The following GLRA2 variants were observed in gnomAD, a reference collection of about 807,000 sequenced individuals.
The protein encoded by GLRA2 is glycine receptor subunit alpha-2.
A neutral mutation model predicts 31.6 loss-of-function variants in GLRA2; 11 were observed. The observed-to-expected ratio is 0.35, with a 90% CI of 0.22 to 0.58. The LOEUF (loss-of-function observed/expected upper bound fraction) is 0.58, where lower values mean the gene tolerates loss of function less well. Ranked by LOEUF, GLRA2 falls within the 20% of genes least tolerant of loss-of-function variation. The pLI, the probability that GLRA2 is intolerant of heterozygous loss-of-function variation, is 0.84. For missense variants in GLRA2, 212 were observed against 351.8 expected (o/e 0.60, Z 3.18); for synonymous variants, 132 against 134.0 (o/e 0.99, Z 0.10).
the GLRA2 span, among the ~76,000 whole-genome samples, chrX:14,502,434 G>T: frequency 8.9e-6 from 1 of 111,795 alleles, no homozygotes; most frequent in Non-Finnish European, 1.9e-5. Flanking sequence ...ATATGCAAAT[G>T]TGAGATTTTT....
intron 7 of GLRA2, among the ~76,000 whole-genome samples, chrX:14,679,575 C>T (rs368251631): frequency 1.5e-4 from 17 of 111,097 alleles, no homozygotes; most frequent in African/African-American, 5.2e-4. Context: ...TAACTGTCCA[C>T]CCCTCACCGT....
At chrX:14,468,093 G>T in the GLRA2 span, among the ~76,000 whole-genome samples, 1 of 111,775 alleles carries the variant, frequency 8.9e-6, no homozygotes, top group Admixed American at 9.5e-5. Context: ...TTGAGGTGAG[G>T]AAAGGACTAC....
At chrX:14,469,400 G>A in the GLRA2 span, among the ~76,000 whole-genome samples, 51 of 110,214 alleles carry the variant, frequency 4.6e-4, no homozygotes, top group African/African-American at 1.7e-3. Flanking sequence ...GCACACGTAT[G>A]TTTATTGTGG....
chrX:14,553,203 T>TG (rs748417620), intron 2 of GLRA2, among the ~76,000 whole-genome samples: 41 of 112,099 alleles, frequency 3.7e-4, no homozygotes, highest in African/African-American at 1.3e-3. Context: ...TGTCTAACAA[T>TG]ACAAAATGTG....
intron 4 of GLRA2, among the ~76,000 whole-genome samples, chrX:14,593,541 G>A: frequency 8.9e-6 from 1 of 112,394 alleles, no homozygotes; most frequent in African/African-American, 3.2e-5. Context: ...AAGTATGCTA[G>A]GGGATTAAAG....
chrX:14,624,872 G>A (rs768296163), intron 7 of GLRA2, among the ~76,000 whole-genome samples: 11 of 111,601 alleles, frequency 9.9e-5, no homozygotes, highest in Admixed American at 9.5e-4. Context: ...AGGTCTGCTT[G>A]GTGCAGAGCT....
chrX:14,459,049 A>C, the GLRA2 span, among the ~76,000 whole-genome samples: 1 of 111,920 alleles, frequency 8.9e-6, no homozygotes, highest in Admixed American at 9.5e-5. Context: ...TAATTTTTAT[A>C]TAAGGTGTAA....
intron 2 of GLRA2, 106 bp downstream of exon 2, chrX:14,532,478 C>A: frequency 2.1e-6 from 1 of 465,607 alleles, no homozygotes; most frequent in Non-Finnish European, 3.4e-6. Context: ...ATGAAAATGA[C>A]AAGTATAGTG....
chrX:14,533,795 A>G (rs1403661191), intron 2 of GLRA2, among the ~76,000 whole-genome samples: 1 of 111,156 alleles, frequency 9.0e-6, no homozygotes, highest in East Asian at 2.8e-4. Flanking sequence ...AGGAGATGTT[A>G]CATGAATACT....
the GLRA2 span, among the ~76,000 whole-genome samples, chrX:14,495,617 A>G: frequency 8.2e-5 from 9 of 109,264 alleles, no homozygotes; most frequent in Admixed American, 8.9e-4. Flanking sequence ...ATATATGTGT[A>G]TGTATGTACA....
chrX:14,559,553 A>G (rs2089698464), intron 2 of GLRA2, among the ~76,000 whole-genome samples: 1 of 102,674 alleles, frequency 9.7e-6, no homozygotes, highest in Admixed American at 1.1e-4. Context: ...AGTAGCTGGG[A>G]CTACAGGCGC....
intron 7 of GLRA2, among the ~76,000 whole-genome samples, chrX:14,621,331 T>A (rs972415737): frequency 2.7e-5 from 3 of 111,262 alleles, no homozygotes; most frequent in Admixed American, 9.5e-5. Context: ...ATCAGCATTT[T>A]TTTTTTAAAA....
At chrX:14,596,631 A>C (rs2090208310) in intron 4 of GLRA2, among the ~76,000 whole-genome samples, 1 of 107,165 alleles carries the variant, frequency 9.3e-6, no homozygotes, top group Non-Finnish European at 1.9e-5. Context: ...TGGGTGACAG[A>C]GCGAGACTCT....
intron 4 of GLRA2, among the ~76,000 whole-genome samples, chrX:14,586,164 T>C (rs2090078480): frequency 9.1e-6 from 1 of 109,500 alleles, no homozygotes; most frequent in Non-Finnish European, 1.9e-5. Flanking sequence ...GGTAGGGGTC[T>C]AAAAAAAAAG....
the GLRA2 span, among the ~76,000 whole-genome samples, chrX:14,488,627 A>T: frequency 8.9e-6 from 1 of 112,471 alleles, no homozygotes; most frequent in East Asian, 2.8e-4. Context: ...GAATCCCTGA[A>T]GAGAAAAAGA....
intron 2 of GLRA2, among the ~76,000 whole-genome samples, chrX:14,545,898 C>T (rs1236472093): frequency 1.8e-5 from 2 of 111,186 alleles, no homozygotes; most frequent in Admixed American, 1.9e-4. Flanking sequence ...ACAGTGTGTT[C>T]CCAAAATATA....
intron 8 of GLRA2, among the ~76,000 whole-genome samples, chrX:14,710,661 A>G (rs1601874776): frequency 8.9e-6 from 1 of 111,995 alleles, no homozygotes. Context: ...AACTGTTGTT[A>G]CGGTTGATTA....
At chrX:14,675,854 G>C (rs1045625011) in intron 7 of GLRA2, among the ~76,000 whole-genome samples, 1 of 112,282 alleles carries the variant, frequency 8.9e-6, no homozygotes, top group Non-Finnish European at 1.9e-5. Context: ...ATATAGGTAA[G>C]AGATCAAACA....
At chrX:14,691,925 CTGG>C (rs1265290901) in intron 8 of GLRA2, among the ~76,000 whole-genome samples, 1 of 112,182 alleles carries the variant, frequency 8.9e-6, no homozygotes, top group African/African-American at 3.2e-5. Context: ...ATTAATCCTG[CTGG>C]TGAAGTAATA....
Sources: gnomAD v4.1 joint callset for allele counts (sites outside exome capture counted in the v4.1 genomes callset) on GRCh38, gnomAD v4.1.1 for gene constraint, MANE v1.5 for transcripts, NCBI Gene and HGNC (gene_info 2026-07-23, HGNC 2026-07-21) for gene names.